Variants in NAALADL2 observed in about 807,000 individuals in gnomAD.
NAALADL2 encodes inactive N-acetylated-alpha-linked acidic dipeptidase-like protein 2.
In NAALADL2, 76 loss-of-function variants were observed where a neutral mutation model predicts 87.2. That is an observed-to-expected ratio of 0.87 (90% CI 0.72 to 1.05). The LOEUF is 1.05. NAALADL2 is among the 50% of genes least tolerant of loss of function. The pLI, the probability that NAALADL2 is intolerant of heterozygous loss-of-function variation, is 0.00. For synonymous variants in NAALADL2, 354 were observed against 331.0 expected, an observed-to-expected ratio of 1.07 and a Z score of -0.75; for missense variants, 1,089 against 945.8, an observed-to-expected ratio of 1.15 and a Z score of -1.99.
chr3:175,481,904 C>T (rs896970173), intron 9 of NAALADL2, among the ~76,000 whole-genome samples: 3 of 151,772 alleles, frequency 2.0e-5, no homozygotes, highest in African/African-American at 7.3e-5. Flanking sequence ...TAAAAGAAAT[C>T]GGTATTTACT....
At chr3:174,616,090 GC>G (rs1228508189) in intron 2 of NAALADL2, among the ~76,000 whole-genome samples, 2 of 151,780 alleles carry the variant, frequency 1.3e-5, no homozygotes, top group Non-Finnish European at 2.9e-5. Context: ...TACCTAATTT[GC>G]CCCCCTGTAC....
chr3:174,909,624 G>A (rs1399372096), intron 1 of NAALADL2, among the ~76,000 whole-genome samples: 1 of 152,118 alleles, frequency 6.6e-6, no homozygotes, highest in African/African-American at 2.4e-5. Context: ...TGCACAGACT[G>A]TGGGGTTACC....
intron 11 of NAALADL2, among the ~76,000 whole-genome samples, chr3:175,644,105 T>C (rs1251583200): frequency 6.6e-6 from 1 of 152,158 alleles, no homozygotes; most frequent in Admixed American, 6.5e-5. Flanking sequence ...TTGTATGTTT[T>C]CTAAGTGCTT....
At chr3:175,545,693 C>T in intron 9 of NAALADL2, among the ~76,000 whole-genome samples, 1 of 152,036 alleles carries the variant, frequency 6.6e-6, no homozygotes, top group East Asian at 1.9e-4. Context: ...TTTTATATTC[C>T]AGGGCTTGTT....
rs896063546 is a variant in NAALADL2, at chr3:175,806,459, A to G, written c.*3256A>G. 5.3e-5 allele frequency: 8 copies of G among 151,954 alleles called. No homozygotes were observed. Among genetic ancestry groups the G allele is most frequent in the African/African-American group, 4.8e-5 (2 of 41,420 alleles). The allele number at this position is 151,954 out of a possible 1,614,324, so 9.4% of individuals were successfully genotyped here. A position where few individuals can be genotyped will look rare whatever the true frequency, so the allele number is the denominator to read the frequency against. ...TGTCTGTTACACACACTGAAGTTTA[A>G]GAATTTCCAATCTACGTTAATCGTA... On this transcript the variant is annotated 3_prime_UTR_variant, in exon 14 of 14. Transcript: ENST00000454872.
intron 10 of NAALADL2, among the ~76,000 whole-genome samples, chr3:175,620,177 T>A (rs1215606587): frequency 1.3e-5 from 2 of 152,110 alleles, no homozygotes; most frequent in Non-Finnish European, 2.9e-5. Context: ...TTGGTGCCAC[T>A]TTGCCAGCCA....
intron 4 of NAALADL2, among the ~76,000 whole-genome samples, chr3:175,305,266 G>T (rs1357934431): frequency 7.0e-6 from 1 of 142,230 alleles, no homozygotes; most frequent in Non-Finnish European, 1.6e-5. Context: ...GTGTGTGTGT[G>T]TGTGTATGTG....
intron 10 of NAALADL2, among the ~76,000 whole-genome samples, chr3:175,605,619 A>T (rs984382239): frequency 6.9e-6 from 1 of 144,236 alleles, no homozygotes; most frequent in Non-Finnish European, 1.5e-5. Flanking sequence ...CAGGCTGAGG[A>T]CACCTAGATG....
chr3:174,825,103 A>G (rs1341552309), intron 3 of NAALADL2, among the ~76,000 whole-genome samples: 1 of 152,194 alleles, frequency 6.6e-6, no homozygotes, highest in African/African-American at 2.4e-5. Flanking sequence ...TTTCCAGAAA[A>G]ATAGAACCAG....
At chr3:175,569,615 C>A (rs1032973241) in intron 9 of NAALADL2, among the ~76,000 whole-genome samples, 16 of 152,010 alleles carry the variant, frequency 1.1e-4, no homozygotes, top group Non-Finnish European at 2.2e-4. Flanking sequence ...GAGGTAGATA[C>A]AAGATCTCTC....
chr3:175,797,993 CCATTT>C (rs749874543), intron 13 of NAALADL2, among the ~76,000 whole-genome samples: 1 of 151,864 alleles, frequency 6.6e-6, no homozygotes, highest in Non-Finnish European at 1.5e-5. Context: ...TTTTAACCTT[CCATTT>C]AAGTATTAAA....
At chr3:175,232,210 A>G (rs368591217) in intron 2 of NAALADL2, among the ~76,000 whole-genome samples, 5 of 151,360 alleles carry the variant, frequency 3.3e-5, no homozygotes, top group Non-Finnish European at 5.9e-5. Flanking sequence ...AAGAAGAACA[A>G]GAAGAGAAGA....
intron 3 of NAALADL2, among the ~76,000 whole-genome samples, chr3:174,770,964 T>C (rs577513520): frequency 6.6e-6 from 1 of 152,364 alleles, no homozygotes; most frequent in African/African-American, 2.4e-5. Flanking sequence ...CCAAGTTATA[T>C]GTAGGAATCA....
At chr3:175,293,747 A>G (rs182888361) in intron 4 of NAALADL2, among the ~76,000 whole-genome samples, 8 of 152,332 alleles carry the variant, frequency 5.3e-5, no homozygotes, top group East Asian at 1.9e-4. Context: ...CCCTCATCAG[A>G]CACAAATTTG....
Position 175,096,808 on chromosome 3 carries a change from A to G in NAALADL2, c.62A>G (p.Gln21Arg). ...TSLQGKKMAY[Q>R]KVHADQRAPG... is the part of the protein sequence containing the mutation. ...TTCACAGGTAAAAAGATGGCCTATCAGAAGGTCCATGCAGATCAAAGAGCT... is the reference window on the plus strand; with the variant it reads ...TTCACAGGTAAAAAGATGGCCTATCGGAAGGTCCATGCAGATCAAAGAGCT... Residue 21 changes from glutamine (Q) to arginine (R), a missense_variant, in exon 2 of 14, where the codon CAG (glutamine) becomes CGG (arginine). By Grantham distance (43) the Gln-to-Arg change is conservative. Coordinates refer to ENST00000454872, the MANE Select transcript of NAALADL2 (RefSeq NM_207015.3). 1 of 1,533,352 alleles carries G rather than the reference A, an allele frequency of 6.5e-7. No individual in the cohort carries two copies. The highest frequency in any genetic ancestry group is 8.7e-7 in the Non-Finnish European group (1 of 1,143,184). The allele number at this position is 1,533,352 out of a possible 1,614,324, so 95.0% of individuals were successfully genotyped here.
rs1358492173 is a variant in NAALADL2 at position 175,069,449 on chromosome 3, A to G, written c.44-27341A>G. On this transcript the variant is annotated intron_variant, in intron 1 of 13. Coordinates refer to ENST00000454872, the MANE Select transcript of NAALADL2 (RefSeq NM_207015.3). ...CTGGCCATCAGAGAAATGCAAATCA[A>G]AAGCACAATGAGATACCATCTCACA... Among the ~76,000 whole-genome samples the G allele has an allele frequency of 3.3e-5, 5 of 149,416 alleles. No homozygotes were observed. In the South Asian group the frequency reaches 8.4e-4, roughly 25 times the overall value.
chr3:174,781,182 C>G (rs1022246300), intron 3 of NAALADL2, among the ~76,000 whole-genome samples: 2 of 152,026 alleles, frequency 1.3e-5, no homozygotes, highest in African/African-American at 4.8e-5. Flanking sequence ...TGTGGGTAAC[C>G]CGACCTTTCT....
chr3:174,985,101 T>C (rs1468620581), intron 1 of NAALADL2, among the ~76,000 whole-genome samples: 1 of 152,174 alleles, frequency 6.6e-6, no homozygotes. Context: ...TGTCCTGACA[T>C]CTGAGCACAT....
chr3:175,260,025 TA>T (rs910870709), intron 4 of NAALADL2, among the ~76,000 whole-genome samples: 39 of 148,362 alleles, frequency 2.6e-4, no homozygotes, highest in Admixed American at 4.7e-4. Flanking sequence ...GAAACTCCAT[TA>T]AAAAAAAAAA....
Sources: allele counts gnomAD v4.1 joint callset (sites outside exome capture counted in the v4.1 genomes callset), GRCh38; gene constraint gnomAD v4.1.1; transcripts MANE v1.5; gene names NCBI Gene and HGNC (gene_info 2026-07-23, HGNC 2026-07-21).